Variants in RSRC1 observed in about 807,000 individuals in gnomAD.
The protein encoded by RSRC1 is arginine and serine rich coiled-coil 1.
A neutral mutation model predicts 49.1 loss-of-function variants in RSRC1; 39 were observed. The observed-to-expected ratio is 0.79, with a 90% confidence interval of 0.61 to 1.04. RSRC1 has a LOEUF of 1.04. Ranked by LOEUF, RSRC1 falls within the 50% of genes least tolerant of loss-of-function variation. RSRC1 has a pLI of 0.00. For synonymous variants in RSRC1, 143 were observed against 130.8 expected (o/e 1.09, Z -0.63); for missense variants, 388 against 402.4 (o/e 0.96, Z 0.31).
At chr3:158,348,920 A>T (rs984808085) in intron 5 of RSRC1, among the ~76,000 whole-genome samples, 2 of 152,156 alleles carry the variant, frequency 1.3e-5, no homozygotes, top group African/African-American at 4.8e-5. Context: ...AAAGGACATG[A>T]TTTGGTTCTT....
intron 4 of RSRC1, among the ~76,000 whole-genome samples, chr3:158,212,982 T>G (rs1232151491): frequency 6.6e-6 from 1 of 151,936 alleles, no homozygotes; most frequent in East Asian, 1.9e-4. Context: ...ATCATTGGAG[T>G]GGCATCTCCA....
intron 7 of RSRC1, among the ~76,000 whole-genome samples, chr3:158,500,206 A>G (rs1739527704): frequency 6.6e-6 from 1 of 152,180 alleles, no homozygotes; most frequent in South Asian, 2.1e-4. Context: ...TGCATCCCTC[A>G]TATGAAACCT....
intron 7 of RSRC1, among the ~76,000 whole-genome samples, chr3:158,521,691 TTATTA>T (rs1291660663): frequency 2.7e-5 from 1 of 36,408 alleles, no homozygotes; most frequent in East Asian, 4.7e-4. Flanking sequence ...TGGAGTTGCC[TTATTA>T]TATTGCAATT....
At chr3:158,327,976 C>G (rs1729273814) in intron 5 of RSRC1, among the ~76,000 whole-genome samples, 3 of 152,174 alleles carry the variant, frequency 2.0e-5, no homozygotes, top group Non-Finnish European at 1.5e-5. Flanking sequence ...GATCCCTTTA[C>G]CATTATGTAA....
chr3:158,232,003 T>C (rs1722991151), intron 4 of RSRC1, among the ~76,000 whole-genome samples: 1 of 152,156 alleles, frequency 6.6e-6, no homozygotes, highest in African/African-American at 2.4e-5. Context: ...GATTATTCTT[T>C]TACCCATAGG....
chr3:158,267,190 G>A (rs1725238921), intron 4 of RSRC1, among the ~76,000 whole-genome samples: 2 of 152,038 alleles, frequency 1.3e-5, no homozygotes, highest in African/African-American at 4.8e-5. Flanking sequence ...GGCTTTCATA[G>A]TTTCTGAGGA....
At chr3:158,480,635 A>G (rs1738572069) in intron 7 of RSRC1, among the ~76,000 whole-genome samples, 1 of 152,048 alleles carries the variant, frequency 6.6e-6, no homozygotes, top group Non-Finnish European at 1.5e-5. Context: ...TCAGTTGTGC[A>G]TGTTATATGA....
At chr3:158,468,475 T>G (rs1737987453) in intron 7 of RSRC1, among the ~76,000 whole-genome samples, 1 of 152,198 alleles carries the variant, frequency 6.6e-6, no homozygotes, top group African/African-American at 2.4e-5. Context: ...ATTCAGATGT[T>G]ATTTTTAAAG....
At chr3:158,542,953 A>T (rs1299487738) in intron 8 of RSRC1, among the ~76,000 whole-genome samples, 1 of 152,178 alleles carries the variant, frequency 6.6e-6, no homozygotes, top group Non-Finnish European at 1.5e-5. Flanking sequence ...TAGATATATG[A>T]AATATATGTA....
At chr3:158,345,868 A>G (rs1730528062) in intron 5 of RSRC1, among the ~76,000 whole-genome samples, 1 of 149,020 alleles carries the variant, frequency 6.7e-6, no homozygotes, top group East Asian at 1.9e-4. Flanking sequence ...TCATATATAT[A>G]TGGTAAATTG....
intron 2 of RSRC1, among the ~76,000 whole-genome samples, chr3:158,122,588 TA>T (rs1483201413): frequency 6.6e-6 from 1 of 152,124 alleles, no homozygotes; most frequent in Admixed American, 6.5e-5. Context: ...TCTAATGAAT[TA>T]TTTTTTATTT....
chr3:158,528,720 A>G (rs1298367151), intron 7 of RSRC1, among the ~76,000 whole-genome samples: 1 of 151,996 alleles, frequency 6.6e-6, no homozygotes, highest in Non-Finnish European at 1.5e-5. Flanking sequence ...AATCTGGTAT[A>G]CATCAAATTA....
intron 8 of RSRC1, among the ~76,000 whole-genome samples, chr3:158,538,524 A>T (rs1712848111): frequency 6.6e-6 from 1 of 151,936 alleles, no homozygotes; most frequent in African/African-American, 2.4e-5. Context: ...TGTGAAGTTT[A>T]CCCTGACATC....
chr3:158,351,864 A>T (rs1730893879), intron 5 of RSRC1, among the ~76,000 whole-genome samples: 2 of 147,146 alleles, frequency 1.4e-5, no homozygotes, highest in South Asian at 4.2e-4. Context: ...AGGTATATTT[A>T]TATAAATATT....
intron 5 of RSRC1, among the ~76,000 whole-genome samples, chr3:158,329,619 C>A (rs140267339): frequency 1.2e-4 from 19 of 152,276 alleles, no homozygotes; most frequent in Admixed American, 2.6e-4. Flanking sequence ...GAGGGGTACC[C>A]GGCTGTGTGA....
intron 5 of RSRC1, among the ~76,000 whole-genome samples, chr3:158,333,131 G>A (rs1201828129): frequency 1.3e-5 from 2 of 152,110 alleles, no homozygotes; most frequent in Non-Finnish European, 2.9e-5. Flanking sequence ...ACCATGCCCA[G>A]CTAATTTTTT....
intron 5 of RSRC1, among the ~76,000 whole-genome samples, chr3:158,349,349 G>A (rs1246876833): frequency 6.6e-6 from 1 of 151,900 alleles, no homozygotes; most frequent in Non-Finnish European, 1.5e-5. Flanking sequence ...TTTTTTTCAT[G>A]TGTTTGTTGG....
chr3:158,347,309 C>T (rs563562616), intron 5 of RSRC1, among the ~76,000 whole-genome samples: 4 of 152,016 alleles, frequency 2.6e-5, no homozygotes, highest in Admixed American at 6.6e-5. Flanking sequence ...TAATAAATTT[C>T]GGTTGATTGA....
Position 158,515,063 on chromosome 3 carries a change from CTT to C in RSRC1, c.653-22027_653-22026del, listed in dbSNP as rs1475851991. Among the ~76,000 whole-genome samples, 1,302 of 148,162 alleles carry C rather than the reference CTT, an allele frequency of 8.8e-3. 19 individuals carry two copies. The highest frequency in any genetic ancestry group is 0.031 in the African/African-American group (1,254 of 40,170). On this transcript the variant is annotated intron_variant, in intron 7 of 9. Coordinates refer to ENST00000611884, the MANE Select transcript of RSRC1 (RefSeq NM_001271838.2). ...TACAGCACACTGATGGGTCTTGACT[CTT>C]TATCCAACTTGCCAGTCTGTGTCTT... is the stretch of plus-strand genomic sequence containing the variant.
Sources: gnomAD v4.1 joint callset for allele counts (sites outside exome capture counted in the v4.1 genomes callset) on GRCh38, gnomAD v4.1.1 for gene constraint, MANE v1.5 for transcripts, NCBI Gene and HGNC (gene_info 2026-07-23, HGNC 2026-07-21) for gene names.